The following KCNN2 variants were observed in gnomAD, a reference collection of about 807,000 sequenced individuals.
The protein encoded by KCNN2 is potassium calcium-activated channel subfamily N member 2.
Under a neutral mutation model 55.5 loss-of-function variants are expected in KCNN2, and 24 were observed. The ratio of observed to expected loss-of-function variants is 0.43; its 90% CI spans 0.31 to 0.61. The LOEUF is 0.61. KCNN2 is among the 20% of genes least tolerant of loss of function. The pLI, the probability that KCNN2 is intolerant of heterozygous loss-of-function variation, is 0.08. For missense variants in KCNN2, 754 were observed against 853.6 expected, an observed-to-expected ratio of 0.88 and a Z score of 1.45; for synonymous variants, 431 against 336.1, an observed-to-expected ratio of 1.28 and a Z score of -3.09.
chr5:114,442,683 C>T (rs192563482), intron 3 of KCNN2, among the ~76,000 whole-genome samples: 75 of 152,204 alleles, frequency 4.9e-4, no homozygotes, highest in African/African-American at 1.4e-3. Flanking sequence ...ACCTGCCCCT[C>T]GGGTTTACAG....
intron 3 of KCNN2, among the ~76,000 whole-genome samples, chr5:114,461,392 C>T (rs1761183836): frequency 6.6e-6 from 1 of 152,118 alleles, no homozygotes; most frequent in African/African-American, 2.4e-5. Context: ...TGCACCTCTG[C>T]CACAGAAACT....
intron 1 of KCNN2, among the ~76,000 whole-genome samples, chr5:114,207,675 A>G (rs1753802654): frequency 6.6e-6 from 1 of 152,208 alleles, no homozygotes; most frequent in African/African-American, 2.4e-5. Flanking sequence ...AATACACTGC[A>G]TCTGTCTCAG....
intron 2 of KCNN2, among the ~76,000 whole-genome samples, chr5:114,372,961 T>C (rs1757806186): frequency 6.6e-6 from 1 of 152,158 alleles, no homozygotes; most frequent in Non-Finnish European, 1.5e-5. Flanking sequence ...ACATTAACTT[T>C]TGTGAGCATC....
At chr5:114,174,412 G>A (rs115325580) in intron 1 of KCNN2, among the ~76,000 whole-genome samples, 4,700 of 152,194 alleles carry the variant, frequency 0.031, 254 homozygotes, top group African/African-American at 0.11. Context: ...CATTAGTCTA[G>A]ACAAGAGCAT....
intron 1 of KCNN2, among the ~76,000 whole-genome samples, chr5:114,156,314 A>G (rs79355333): frequency 0.025 from 3,758 of 152,186 alleles, 147 homozygotes; most frequent in African/African-American, 0.085. Context: ...GTCAGGTAGC[A>G]TGATGCCTCT....
In KCNN2 at chr5:114,362,888, C is replaced by G. The variant is rs1364442836; in HGVS notation, c.749C>G (p.Ala250Gly). The G allele has an allele frequency of 1.3e-6, 2 of 1,597,606 alleles. No homozygotes were observed. Among genetic ancestry groups the G allele is most frequent in the Non-Finnish European group, 1.7e-6 (2 of 1,178,638 alleles). ...DSEAQPLQPP[A>G]SVGGGGGASS... Reference sequence around the variant, plus strand: ...GAGGCGCAGCCCCTGCAGCCCCCCGCGTCTGTCGGAGGAGGTGGCGGCGCG... The same window carrying G: ...GAGGCGCAGCCCCTGCAGCCCCCCGGGTCTGTCGGAGGAGGTGGCGGCGCG... The change falls in exon 1 of 8, where the codon GCG becomes GGG. Residue 250 changes from alanine (A) to glycine (G), a missense_variant. Coordinates refer to ENST00000673685, the MANE Select transcript of KCNN2 (RefSeq NM_021614.4).
At chr5:114,205,896 G>T (rs1210838661) in intron 1 of KCNN2, among the ~76,000 whole-genome samples, 1 of 152,136 alleles carries the variant, frequency 6.6e-6, no homozygotes, top group Admixed American at 6.6e-5. Flanking sequence ...ATGGCAGACG[G>T]CATGAAAAGG....
intron 2 of KCNN2, among the ~76,000 whole-genome samples, chr5:114,279,666 A>C (rs1341054812): frequency 6.6e-6 from 1 of 152,172 alleles, no homozygotes; most frequent in Non-Finnish European, 1.5e-5. Context: ...TGCATCGTAT[A>C]TATGTGCCAC....
At chr5:114,407,426 CT>C (rs1169551855) in intron 3 of KCNN2, among the ~76,000 whole-genome samples, 2 of 151,688 alleles carry the variant, frequency 1.3e-5, no homozygotes, top group Non-Finnish European at 2.9e-5. Flanking sequence ...CCCTGAATGC[CT>C]TTTTTTTAAT....
intron 2 of KCNN2, among the ~76,000 whole-genome samples, chr5:114,261,069 T>G (rs1293743484): frequency 6.6e-6 from 1 of 152,228 alleles, no homozygotes; most frequent in Non-Finnish European, 1.5e-5. Context: ...TATAAACATG[T>G]GATAAATATA....
chr5:114,124,833 C>T (rs1751898827), intron 1 of KCNN2, among the ~76,000 whole-genome samples: 1 of 152,334 alleles, frequency 6.6e-6, no homozygotes, highest in South Asian at 2.1e-4. Flanking sequence ...GTATACACCT[C>T]CAATACACAC....
Position 114,368,497 on chromosome 5 carries a change from C to T in KCNN2, c.1218+4496C>T, listed in dbSNP as rs189159916. 1.5e-3 allele frequency among the ~76,000 whole-genome samples: 228 copies of T among 152,036 alleles called. 4 individuals are homozygous for T. The highest frequency in any genetic ancestry group is 0.014 in the Admixed American group (215 of 15,268). On this transcript the variant is annotated intron_variant, in intron 2 of 7. Coordinates refer to ENST00000673685, the MANE Select transcript of KCNN2 (RefSeq NM_021614.4). ...CTGGACTAGTTGGGGAGGGGTGGTC[C>T]CTGTCTACTAGTAGGCTCTGTGGTT...
At chr5:114,472,196 T>C (rs187014433) in intron 4 of KCNN2, among the ~76,000 whole-genome samples, 2 of 152,032 alleles carry the variant, frequency 1.3e-5, no homozygotes, top group East Asian at 1.9e-4. Flanking sequence ...CACCTTGACC[T>C]TGCCTGGACC....
intron 1 of KCNN2, among the ~76,000 whole-genome samples, chr5:114,125,918 C>T (rs1484345619): frequency 6.6e-6 from 1 of 152,140 alleles, no homozygotes; most frequent in Admixed American, 6.5e-5. Context: ...TCCAAACAGT[C>T]ACAAAGGTAC....
chr5:114,258,690 G>A (rs894915062), intron 2 of KCNN2, among the ~76,000 whole-genome samples: 4 of 152,144 alleles, frequency 2.6e-5, no homozygotes, highest in Non-Finnish European at 5.9e-5. Flanking sequence ...CCATTTCCCT[G>A]TCATGCCCTC....
At chr5:114,430,687 C>A (rs1010515128) in intron 3 of KCNN2, among the ~76,000 whole-genome samples, 1 of 152,018 alleles carries the variant, frequency 6.6e-6, no homozygotes, top group Non-Finnish European at 1.5e-5. Context: ...AGGAAAGCAC[C>A]TAGTTTCTTA....
rs1425333294 is a variant in KCNN2, at chr5:114,176,506, T to C, written c.-270-44974T>C. Among the ~76,000 whole-genome samples the C allele has an allele frequency of 5.4e-5, 8 of 147,248 alleles. No individual in the cohort carries two copies. In the East Asian group the frequency reaches 1.5e-3, roughly 28 times the overall value. On this transcript the variant is annotated intron_variant, in intron 1 of 10. Coordinates refer to the KCNN2 transcript ENST00000512097. The stretch of plus-strand genomic sequence containing the variant: ...ATGGGCTAGAGTTGCTCAAATACTT[T>C]ACATTCTAATATCACTAAGAAAACA...
At chr5:114,144,268 T>A (rs1288331137) in intron 1 of KCNN2, among the ~76,000 whole-genome samples, 4 of 152,222 alleles carry the variant, frequency 2.6e-5, no homozygotes, top group Non-Finnish European at 5.9e-5. Context: ...CTCATAATTC[T>A]ATCTCCCATC....
intron 1 of KCNN2, among the ~76,000 whole-genome samples, chr5:114,096,658 C>T (rs1751261498): frequency 6.6e-6 from 1 of 152,104 alleles, no homozygotes; most frequent in Non-Finnish European, 1.5e-5. Flanking sequence ...TCGTGGTACT[C>T]CTCCTGTGTT....
Sources: allele counts gnomAD v4.1 joint callset (sites outside exome capture counted in the v4.1 genomes callset), GRCh38; gene constraint gnomAD v4.1.1; transcripts MANE v1.5; gene names NCBI Gene and HGNC (gene_info 2026-07-23, HGNC 2026-07-21).